MYO3A: variants seen among roughly 807,000 people sequenced by gnomAD.
MYO3A encodes the protein myosin-IIIa.
MYO3A carries 180 observed loss-of-function variants against 192.7 expected under a neutral mutation model. The observed-to-expected ratio is 0.93, with a 90% CI of 0.83 to 1.06. The LOEUF (loss-of-function observed/expected upper bound fraction) is 1.06, where lower values mean the gene tolerates loss of function less well. Ranked by LOEUF, MYO3A falls within the 50% of genes least tolerant of loss-of-function variation. The pLI, the probability that MYO3A is intolerant of heterozygous loss-of-function variation, is 0.00. For missense variants in MYO3A, 1,896 were observed against 1,905.0 expected (o/e 1.00, Z 0.09); for synonymous variants, 628 against 645.3 (o/e 0.97, Z 0.41).
At chr10:26,034,821 G>T (rs1842952583) in intron 10 of MYO3A, among the ~76,000 whole-genome samples, 1 of 151,244 alleles carries the variant, frequency 6.6e-6, no homozygotes, top group African/African-American at 2.4e-5. Flanking sequence ...CTAGTGTCTG[G>T]ATATTTATAT....
intron 2 of MYO3A, among the ~76,000 whole-genome samples, chr10:25,936,127 A>G (rs1836046177): frequency 6.6e-6 from 1 of 152,140 alleles, no homozygotes; most frequent in Non-Finnish European, 1.5e-5. Flanking sequence ...GTAATCTTTA[A>G]TATCAACTTA....
chr10:26,127,005 T>A (rs190592269), intron 19 of MYO3A, among the ~76,000 whole-genome samples: 8 of 152,266 alleles, frequency 5.3e-5, no homozygotes, highest in Non-Finnish European at 1.2e-4. Context: ...CACTATCTCG[T>A]TATGGGACAC....
intron 2 of MYO3A, among the ~76,000 whole-genome samples, chr10:25,943,971 C>A (rs969846531): frequency 1.3e-5 from 2 of 151,862 alleles, no homozygotes; most frequent in Non-Finnish European, 2.9e-5. Flanking sequence ...ACATTTTTGT[C>A]TTGTTCCTGA....
chr10:26,078,511 G>A (rs192504407), intron 14 of MYO3A, among the ~76,000 whole-genome samples: 244 of 151,778 alleles, frequency 1.6e-3, no homozygotes, highest in Non-Finnish European at 3.2e-3. Context: ...ATTTCATTTA[G>A]TTCTGCCCTG....
In MYO3A at chr10:26,078,892, A is replaced by G. The variant is rs543757695; in HGVS notation, c.1359+8491A>G. ...GAGTGCTTGGTATAATATAACTTCA[A>G]TTTTCTTAAATTTATTGAAGCTCGT... On this transcript the variant is annotated intron_variant, in intron 14 of 34. Transcript: ENST00000642920. Among the ~76,000 whole-genome samples, 3 of 152,074 alleles carry G rather than the reference A, an allele frequency of 2.0e-5. 1 individual carries two copies. The Middle Eastern group carries it at 0.01, about 517-fold the overall frequency.
rs189453711 is a variant in MYO3A, at chr10:26,112,872, A to T, written c.1777-7804A>T. On this transcript the variant is annotated intron_variant, in intron 17 of 34. Coordinates refer to ENST00000642920, the MANE Select transcript of MYO3A (RefSeq NM_017433.5). ...TAAATGATTGGTAGTTTGATGATTC[A>T]TAGTAGTTTGATGATTCAATGAGTA... is the stretch of plus-strand genomic sequence containing the variant. 3.3e-4 allele frequency among the ~76,000 whole-genome samples: 50 copies of T among 152,182 alleles called. 1 individual carries two copies. The highest frequency in any genetic ancestry group is 5.2e-4 in the Admixed American group (8 of 15,272).
chr10:26,106,495 C>A (rs1030041609), intron 17 of MYO3A, among the ~76,000 whole-genome samples: 1 of 151,954 alleles, frequency 6.6e-6, no homozygotes, highest in Non-Finnish European at 1.5e-5. Context: ...GTCATCATTT[C>A]TTTTTCTTGT....
At chr10:25,978,237 T>G (rs1362893394) in intron 4 of MYO3A, among the ~76,000 whole-genome samples, 1 of 152,188 alleles carries the variant, frequency 6.6e-6, no homozygotes, top group Non-Finnish European at 1.5e-5. Flanking sequence ...TTATTTGGAA[T>G]AGGAATGATG....
chr10:26,190,529 G>T (rs1274490346), intron 31 of MYO3A, among the ~76,000 whole-genome samples: 1 of 152,200 alleles, frequency 6.6e-6, no homozygotes, highest in Non-Finnish European at 1.5e-5. Flanking sequence ...GCCAGGACCT[G>T]AGGAGAGGAT....
chr10:26,039,144 G>A (rs1309378946), intron 10 of MYO3A, among the ~76,000 whole-genome samples: 4 of 150,590 alleles, frequency 2.7e-5, no homozygotes, highest in South Asian at 2.1e-4. Flanking sequence ...GGGTTCAAGC[G>A]ATTCTCCTGC....
At chr10:25,935,680 T>G (rs542483976) in intron 1 of MYO3A, 64 bp from the exon 2 acceptor site, 26 of 152,352 alleles carry the variant, frequency 1.7e-4, no homozygotes, top group Non-Finnish European at 3.2e-4. Flanking sequence ...AACTTCTGAT[T>G]ATTTTCCCCA....
At chr10:26,117,147 G>A (rs1309692288) in intron 17 of MYO3A, among the ~76,000 whole-genome samples, 3 of 152,104 alleles carry the variant, frequency 2.0e-5, no homozygotes, top group African/African-American at 7.2e-5. Flanking sequence ...GGGTAGGTAG[G>A]ATTTGGAGAT....
intron 4 of MYO3A, among the ~76,000 whole-genome samples, chr10:25,957,060 C>G (rs1463829993): frequency 6.6e-6 from 1 of 152,186 alleles, no homozygotes; most frequent in Admixed American, 6.6e-5. Flanking sequence ...AGGACATGAT[C>G]TCAGTCTTTT....
At chr10:26,082,272 T>G (rs149737489) in intron 14 of MYO3A, among the ~76,000 whole-genome samples, 77 of 152,348 alleles carry the variant, frequency 5.1e-4, no homozygotes, top group African/African-American at 1.8e-3. Context: ...CATCACTGTT[T>G]TATAGTTTTC....
chr10:26,153,570 A>G (rs895728837), intron 23 of MYO3A, among the ~76,000 whole-genome samples: 3 of 152,180 alleles, frequency 2.0e-5, no homozygotes, highest in African/African-American at 4.8e-5. Flanking sequence ...TGCTCCCTCA[A>G]TCATAATCAT....
At chr10:26,108,115 C>T (rs1837941416) in intron 17 of MYO3A, among the ~76,000 whole-genome samples, 1 of 152,098 alleles carries the variant, frequency 6.6e-6, no homozygotes, top group South Asian at 2.1e-4. Context: ...ACGCCTAAGG[C>T]TTTTAGAGAA....
At chr10:26,082,349 A>C (rs1420341769) in intron 14 of MYO3A, among the ~76,000 whole-genome samples, 4 of 152,062 alleles carry the variant, frequency 2.6e-5, no homozygotes, top group African/African-American at 7.2e-5. Context: ...GCTTTTGTTA[A>C]TGGGATTGCT....
rs929040751 is a variant in MYO3A, at chr10:26,121,098, A to G, written c.1903+296A>G. On this transcript the variant is annotated intron_variant, in intron 18 of 34. Transcript: ENST00000642920. ...AGATAGTATAGTTAAAATTCAGTAA[A>G]CTGATCTGAAAAAGAATTATGTTAT... Among the ~76,000 whole-genome samples the G allele has an allele frequency of 1.1e-4, 16 of 151,924 alleles. No individual in the cohort carries two copies. The East Asian group carries it at 3.1e-3, about 29-fold the overall frequency.
rs746750185 is a variant in MYO3A at position 26,145,426 on chromosome 10, A to G, written c.2417-20A>G. 6.8e-7 allele frequency: 1 copy of G among 1,476,092 alleles called. No individual in the cohort carries two copies. Among genetic ancestry groups the G allele is most frequent in the Admixed American group, 1.7e-5 (1 of 59,786 alleles). 91.4% of individuals were successfully genotyped at this position (1,476,092 alleles called of 1,614,324 possible). A position where few individuals can be genotyped will look rare whatever the true frequency, so the allele number is the denominator to read the frequency against. ...GGATCTCATACATGCTTGATATTTG[A>G]GTTCAGTATTTTTCTACAGAAAAAT... is the stretch of plus-strand genomic sequence containing the variant. On this transcript the variant is annotated intron_variant, in intron 21 of 34. Coordinates refer to ENST00000642920, the MANE Select transcript of MYO3A (RefSeq NM_017433.5).
Sources: gnomAD v4.1 joint callset for allele counts (sites outside exome capture counted in the v4.1 genomes callset) on GRCh38, gnomAD v4.1.1 for gene constraint, MANE v1.5 for transcripts, NCBI Gene and HGNC (gene_info 2026-07-23, HGNC 2026-07-21) for gene names.